The following TBC1D12 variants were observed in gnomAD, a reference collection of about 807,000 sequenced individuals.
TBC1D12 encodes TBC1 domain family, member 12.
A neutral mutation model predicts 86.7 loss-of-function variants in TBC1D12; 56 were observed. The ratio of observed to expected loss-of-function variants is 0.65; its 90% CI spans 0.52 to 0.81. TBC1D12 has a LOEUF of 0.81. TBC1D12 is among the 30% of genes least tolerant of loss of function. The pLI, the probability that TBC1D12 is intolerant of heterozygous loss-of-function variation, is 0.00. For synonymous variants in TBC1D12, 421 were observed against 411.7 expected (o/e 1.02, Z -0.27); for missense variants, 1,023 against 1,038.8 (o/e 0.98, Z 0.21).
rs149096713 is a variant in TBC1D12, at chr10:94,495,495, A to G, written c.1295-1560A>G. ...CCAGTTAAGTTTTTATTAATTTTAA[A>G]ATTTTTACTATATGATTACTATGTA... On this transcript the variant is annotated intron_variant, in intron 4 of 12. Coordinates refer to ENST00000225235, the MANE Select transcript of TBC1D12 (RefSeq NM_015188.2). Among the ~76,000 whole-genome samples, 48 of 152,284 alleles carry G rather than the reference A, an allele frequency of 3.2e-4. 1 individual carries two copies. In the East Asian group the frequency reaches 5.8e-3, roughly 18 times the overall value.
intron 2 of TBC1D12, among the ~76,000 whole-genome samples, chr10:94,447,029 TGCCACTGCACTCTA>T (rs1400829258): frequency 7.0e-6 from 1 of 141,904 alleles, no homozygotes; most frequent in Non-Finnish European, 1.5e-5. Flanking sequence ...GCCGAGGTCG[TGCCACTGCACTCTA>T]GCCTGAGCTG....
intron 2 of TBC1D12, among the ~76,000 whole-genome samples, chr10:94,460,975 G>A (rs2134121757): frequency 1.3e-5 from 2 of 152,180 alleles, no homozygotes; most frequent in South Asian, 4.1e-4. Flanking sequence ...ATTCTTGCAT[G>A]TTGTCTACTT....
intron 7 of TBC1D12, chr10:94,509,475 C>A: frequency 6.6e-6 from 1 of 152,456 alleles, no homozygotes; most frequent in Non-Finnish European, 1.5e-5. Flanking sequence ...TGATTTTATT[C>A]TGCATTTCTA....
At chr10:94,457,794 T>G (rs903297509) in intron 2 of TBC1D12, among the ~76,000 whole-genome samples, 1 of 152,158 alleles carries the variant, frequency 6.6e-6, no homozygotes, top group Non-Finnish European at 1.5e-5. Flanking sequence ...CAGTTATACT[T>G]CTTTTTTTAA....
intron 9 of TBC1D12, among the ~76,000 whole-genome samples, chr10:94,519,901 G>A (rs1168708949): frequency 6.6e-6 from 1 of 152,094 alleles, no homozygotes; most frequent in East Asian, 1.9e-4. Flanking sequence ...AATCATATCT[G>A]TAGAGTCCCT....
intron 9 of TBC1D12, among the ~76,000 whole-genome samples, chr10:94,518,126 C>T (rs1842049665): frequency 6.6e-6 from 1 of 152,138 alleles, no homozygotes; most frequent in Admixed American, 6.5e-5. Context: ...TGCACTCCAG[C>T]CTGCGTGATG....
chr10:94,438,866 C>T (rs956686024), intron 1 of TBC1D12, among the ~76,000 whole-genome samples: 7 of 151,714 alleles, frequency 4.6e-5, no homozygotes, highest in African/African-American at 1.5e-4. Context: ...TACAGTGGTG[C>T]GATCTCAGCT....
chr10:94,507,779 A>G (rs1041129377), intron 7 of TBC1D12, among the ~76,000 whole-genome samples: 1 of 152,124 alleles, frequency 6.6e-6, no homozygotes, highest in African/African-American at 2.4e-5. Context: ...TGAGGTCAGG[A>G]GTTTGAAACC....
Position 94,535,944 on chromosome 10 carries a change from GTC to G in TBC1D12, c.*2850_*2851del, listed in dbSNP as rs1487441596. ...TAAGCAGAGTAATTACTTGAAATGA[GTC>G]TTCATTACTTTGGGGATATCTGTTT... On this transcript the variant is annotated 3_prime_UTR_variant, in exon 13 of 13. Coordinates refer to ENST00000225235, the MANE Select transcript of TBC1D12 (RefSeq NM_015188.2). The G allele has an allele frequency of 6.6e-6, 1 of 152,066 alleles. No individual in the cohort carries two copies. The highest frequency in any genetic ancestry group is 2.4e-5 in the African/African-American group (1 of 41,424). 9.4% of individuals were successfully genotyped at this position (152,066 alleles called of 1,614,324 possible). A position where few individuals can be genotyped will look rare whatever the true frequency, so the allele number is the denominator to read the frequency against.
chr10:94,500,884 T>C (rs1169821911), intron 6 of TBC1D12, among the ~76,000 whole-genome samples: 1 of 151,522 alleles, frequency 6.6e-6, no homozygotes. Context: ...AGCGAAACCC[T>C]GTCTCTAGTA....
At chr10:94,530,736 C>T (rs1222122372) in intron 11 of TBC1D12, among the ~76,000 whole-genome samples, 2 of 152,148 alleles carry the variant, frequency 1.3e-5, no homozygotes, top group Non-Finnish European at 2.9e-5. Flanking sequence ...CCCTTAACTA[C>T]CAGACTGTTC....
At chr10:94,457,291 G>A (rs1007991661) in intron 2 of TBC1D12, among the ~76,000 whole-genome samples, 1 of 151,918 alleles carries the variant, frequency 6.6e-6, no homozygotes, top group Admixed American at 6.6e-5. Context: ...TGTGTGTGTT[G>A]TTCTTCTCCC....
chr10:94,450,816 C>T (rs2055538860), intron 2 of TBC1D12, among the ~76,000 whole-genome samples: 1 of 151,954 alleles, frequency 6.6e-6, no homozygotes, highest in African/African-American at 2.4e-5. Context: ...TATACACAAG[C>T]ATATACTATT....
chr10:94,435,872 T>A (rs928838498), intron 1 of TBC1D12, among the ~76,000 whole-genome samples: 1 of 152,222 alleles, frequency 6.6e-6, no homozygotes, highest in Admixed American at 6.5e-5. Flanking sequence ...AGGAATCCAA[T>A]TTATTTTCTT....
At chr10:94,435,678 C>G (rs1308426322) in intron 1 of TBC1D12, among the ~76,000 whole-genome samples, 1 of 152,144 alleles carries the variant, frequency 6.6e-6, no homozygotes, top group Non-Finnish European at 1.5e-5. Context: ...TTGAACAGAA[C>G]TCATTACTTT....
At chr10:94,497,252 A>G (rs557293633) in intron 5 of TBC1D12, 80 bp downstream of exon 5, 2 of 767,030 alleles carry the variant, frequency 2.6e-6, no homozygotes, top group African/African-American at 3.9e-5. Context: ...ATTTATTATT[A>G]TTATACTTTA....
chr10:94,427,668 A>G (rs957347835), intron 1 of TBC1D12, among the ~76,000 whole-genome samples: 1 of 151,796 alleles, frequency 6.6e-6, no homozygotes, highest in Non-Finnish European at 1.5e-5. Context: ...CCTGTCTCCA[A>G]TAAAAATACA....
In TBC1D12 at chr10:94,522,072, G is replaced by C; in HGVS notation, c.1879G>C (p.Asp627His). ...KPCQLAFFRV[D>H]HSMMLKYFAT... is the part of the protein sequence containing the mutation. ...ATGCCAGTTGGCCTTTTTTCGTGTG[G>C]ATCACAGCATGGTATGAATGGATCA... Residue 627 changes from aspartate (D) to histidine (H), a missense_variant, in exon 10 of 13, where the codon GAT (aspartate) becomes CAT (histidine). Physicochemically the swap from Asp to His is moderately conservative, Grantham distance 81. Around this residue, in one of 2 missense-constraint regions of TBC1D12, gnomAD observed 395 missense variants for 507.7 expected, o/e 0.78. Transcript: ENST00000225235. 1.2e-6 allele frequency: 2 copies of C among 1,612,424 alleles called. No individual in the cohort carries two copies. The highest frequency in any genetic ancestry group is 1.7e-6 in the Non-Finnish European group (2 of 1,178,932).
chr10:94,531,817 A>ATGTTATTTTATTT (rs1842434639), intron 12 of TBC1D12, among the ~76,000 whole-genome samples: 5 of 144,828 alleles, frequency 3.5e-5, no homozygotes, highest in South Asian at 4.4e-4. Context: ...ATTTTATTTT[A>ATGTTATTTTATTT]TGTTATTTTA....
Sources: allele counts gnomAD v4.1 joint callset (sites outside exome capture counted in the v4.1 genomes callset), GRCh38; gene constraint gnomAD v4.1.1; regional missense constraint gnomAD v4.1.1; transcripts MANE v1.5; gene names NCBI Gene and HGNC (gene_info 2026-07-23, HGNC 2026-07-21).